DLGAP2: variants seen among roughly 807,000 people sequenced by gnomAD.
DLGAP2 encodes the protein disks large-associated protein 2.
A neutral mutation model predicts 100.3 loss-of-function variants in DLGAP2; 26 were observed. That is an observed-to-expected ratio of 0.26 (90% CI 0.19 to 0.36). The LOEUF (loss-of-function observed/expected upper bound fraction) is 0.36. Ranked by LOEUF, DLGAP2 falls within the 10% of genes least tolerant of loss-of-function variation. The probability of loss-of-function intolerance (pLI) is 1.00; values close to 1 mark genes in which losing one functional copy is unlikely to be tolerated. For missense variants in DLGAP2, 1,858 were observed against 1,453.2 expected (o/e 1.28, Z -4.53); for synonymous variants, 886 against 630.1 (o/e 1.41, Z -6.08).
At chr8:1,602,627 G>A (rs776984372) in intron 6 of DLGAP2, among the ~76,000 whole-genome samples, 2 of 152,240 alleles carry the variant, frequency 1.3e-5, no homozygotes, top group Non-Finnish European at 2.9e-5. Flanking sequence ...ACTCCAGGCT[G>A]ACCCTCTACC....
chr8:873,454 G>C (rs909661978), intron 1 of DLGAP2, among the ~76,000 whole-genome samples: 7 of 152,156 alleles, frequency 4.6e-5, no homozygotes, highest in Admixed American at 1.3e-4. Context: ...TATGACGTTA[G>C]TTATGTGGTT....
intron 2 of DLGAP2, among the ~76,000 whole-genome samples, chr8:909,727 G>A (rs1374620063): frequency 6.6e-6 from 1 of 152,158 alleles, no homozygotes. Context: ...GATAAGGGAA[G>A]GAGTGGCTCC....
intron 6 of DLGAP2, among the ~76,000 whole-genome samples, chr8:1,606,598 C>T (rs536492428): frequency 6.6e-6 from 1 of 152,294 alleles, no homozygotes; most frequent in Non-Finnish European, 1.5e-5. Context: ...TATGGATAGA[C>T]CACAGTTTAT....
chr8:1,082,298 A>G (rs1387888012), intron 2 of DLGAP2, among the ~76,000 whole-genome samples: 2 of 152,328 alleles, frequency 1.3e-5, no homozygotes, highest in African/African-American at 4.8e-5. Flanking sequence ...AAAATCTTTT[A>G]CACATTGATT....
At chr8:1,315,912 A>G (rs866430180) in intron 3 of DLGAP2, among the ~76,000 whole-genome samples, 19 of 134,542 alleles carry the variant, frequency 1.4e-4, no homozygotes, top group Non-Finnish European at 2.1e-4. Context: ...GCTTTTAAAA[A>G]TAGAGCGTGT....
intron 2 of DLGAP2, among the ~76,000 whole-genome samples, chr8:997,132 G>A (rs1800804284): frequency 6.6e-6 from 1 of 152,168 alleles, no homozygotes; most frequent in South Asian, 2.1e-4. Flanking sequence ...TTATAGAATA[G>A]CATGATCCTA....
At chr8:955,249 T>G (rs1173972101) in intron 2 of DLGAP2, among the ~76,000 whole-genome samples, 2 of 152,142 alleles carry the variant, frequency 1.3e-5, no homozygotes, top group Non-Finnish European at 2.9e-5. Context: ...GGTGCACATT[T>G]GCCTCTTCAC....
At chr8:1,449,149 G>A (rs922200459) in intron 3 of DLGAP2, among the ~76,000 whole-genome samples, 1 of 152,196 alleles carries the variant, frequency 6.6e-6, no homozygotes, top group Non-Finnish European at 1.5e-5. Context: ...ATCTTCCCCT[G>A]ATGGGGAAAG....
chr8:1,050,039 C>G (rs552526976), intron 2 of DLGAP2, among the ~76,000 whole-genome samples: 5 of 152,348 alleles, frequency 3.3e-5, no homozygotes, highest in Admixed American at 2.0e-4. Context: ...TGTGTACACA[C>G]ATGCTGTCAC....
chr8:1,231,682 A>T (rs867374580), intron 2 of DLGAP2, among the ~76,000 whole-genome samples: 1 of 152,222 alleles, frequency 6.6e-6, no homozygotes, highest in African/African-American at 2.4e-5. Flanking sequence ...CTTTGCAGCA[A>T]TGTGGATGCA....
intron 2 of DLGAP2, among the ~76,000 whole-genome samples, chr8:970,542 G>A: frequency 6.6e-6 from 1 of 152,096 alleles, no homozygotes; most frequent in East Asian, 1.9e-4. Flanking sequence ...CTGTTTTTTG[G>A]ACTAATGTAA....
At chr8:1,626,245 CA>C in intron 6 of DLGAP2, among the ~76,000 whole-genome samples, 1 of 75,822 alleles carries the variant, frequency 1.3e-5, no homozygotes, top group South Asian at 5.1e-4. Context: ...CTCTACCCTG[CA>C]GCGGGTGCTC....
At chr8:1,500,962 T>A (rs774587355) in intron 3 of DLGAP2, among the ~76,000 whole-genome samples, 19 of 152,184 alleles carry the variant, frequency 1.2e-4, no homozygotes, top group Non-Finnish European at 2.6e-4. Flanking sequence ...GTCTTTCTCA[T>A]GGGCGATGCA....
intron 2 of DLGAP2, among the ~76,000 whole-genome samples, chr8:1,090,021 C>T (rs1279784122): frequency 6.6e-6 from 1 of 151,120 alleles, no homozygotes; most frequent in Non-Finnish European, 1.5e-5. Flanking sequence ...CTGGAGCCCT[C>T]CTGGCCAGGC....
intron 2 of DLGAP2, among the ~76,000 whole-genome samples, chr8:1,162,409 A>C (rs1715348735): frequency 1.3e-5 from 2 of 152,218 alleles, no homozygotes; most frequent in African/African-American, 4.8e-5. Flanking sequence ...TATTGTTTTC[A>C]ATAGGAAAAT....
intron 14 of DLGAP2, among the ~76,000 whole-genome samples, chr8:1,697,758 C>T (rs1799442501): frequency 6.6e-6 from 1 of 152,218 alleles, no homozygotes; most frequent in African/African-American, 2.4e-5. Context: ...CCACTATAGG[C>T]AAGGCGACAT....
chr8:1,316,619 G>A (rs867507863), intron 3 of DLGAP2, among the ~76,000 whole-genome samples: 2 of 113,100 alleles, frequency 1.8e-5, no homozygotes, highest in African/African-American at 3.4e-5. Context: ...AAAATAGAGC[G>A]TGTGCGAGTG....
At chr8:1,198,796 C>T (rs1002241765) in intron 2 of DLGAP2, among the ~76,000 whole-genome samples, 1 of 152,240 alleles carries the variant, frequency 6.6e-6, no homozygotes, top group South Asian at 2.1e-4. Flanking sequence ...CGGGAGTGAG[C>T]CCTACAGCAG....
intron 2 of DLGAP2, among the ~76,000 whole-genome samples, chr8:1,149,230 C>G (rs2129051345): frequency 1.3e-5 from 2 of 152,290 alleles, no homozygotes; most frequent in South Asian, 4.1e-4. Flanking sequence ...ACTGCAAGCT[C>G]CGCCTTCTGG....
Sources: gnomAD v4.1 joint callset for allele counts (sites outside exome capture counted in the v4.1 genomes callset) on GRCh38, gnomAD v4.1.1 for gene constraint, MANE v1.5 for transcripts, NCBI Gene and HGNC (gene_info 2026-07-23, HGNC 2026-07-21) for gene names.